The following CENPP variants were observed in gnomAD, a reference collection of about 807,000 sequenced individuals.
The protein encoded by CENPP is centromere protein P.
CENPP carries 24 observed loss-of-function variants against 35.6 expected under a neutral mutation model. That is an observed-to-expected ratio of 0.67 (90% CI 0.49 to 0.95). The LOEUF (loss-of-function observed/expected upper bound fraction) is 0.95. Ranked by LOEUF, CENPP falls within the 40% of genes least tolerant of loss-of-function variation. The probability of loss-of-function intolerance (pLI) is 0.00; values close to 1 mark genes in which losing one functional copy is unlikely to be tolerated. For missense variants in CENPP, 332 were observed against 345.3 expected, an observed-to-expected ratio of 0.96 and a Z score of 0.31; for synonymous variants, 120 against 125.5, an observed-to-expected ratio of 0.96 and a Z score of 0.29.
chr9:92,365,712 A>G (rs1032238242), intron 4 of CENPP, among the ~76,000 whole-genome samples: 5 of 152,004 alleles, frequency 3.3e-5, no homozygotes, highest in Non-Finnish European at 5.9e-5. Context: ...TGCCCAGCCT[A>G]TAACTATTCT....
At chr9:92,385,538 C>T in intron 5 of CENPP, 11 of 1,190,032 alleles carry the variant, frequency 9.2e-6, no homozygotes, top group South Asian at 3.0e-5. Context: ...AATATTAAAC[C>T]AATACTTAAG....
intron 5 of CENPP, among the ~76,000 whole-genome samples, chr9:92,406,297 G>C (rs1843304322): frequency 6.6e-6 from 1 of 152,182 alleles, no homozygotes; most frequent in Non-Finnish European, 1.5e-5. Context: ...CGACTAGACA[G>C]GGGGAATAGA....
intron 5 of CENPP, among the ~76,000 whole-genome samples, chr9:92,547,204 A>G (rs916609733): frequency 6.6e-6 from 1 of 152,076 alleles, no homozygotes; most frequent in Non-Finnish European, 1.5e-5. Flanking sequence ...TTTAAAAAGA[A>G]TAAAGAAAGC....
intron 5 of CENPP, among the ~76,000 whole-genome samples, chr9:92,529,467 A>G (rs540238435): frequency 6.6e-6 from 1 of 152,318 alleles, no homozygotes; most frequent in East Asian, 1.9e-4. Context: ...ATTTACCCAA[A>G]TAAGATGAAA....
chr9:92,429,644 G>T (rs1443009178), intron 5 of CENPP, among the ~76,000 whole-genome samples: 1 of 152,094 alleles, frequency 6.6e-6, no homozygotes, highest in East Asian at 1.9e-4. Flanking sequence ...AAAATTAGCC[G>T]AGCGTGGTGG....
intron 5 of CENPP, among the ~76,000 whole-genome samples, chr9:92,571,604 T>G (rs1457060647): frequency 6.6e-6 from 1 of 152,218 alleles, no homozygotes; most frequent in African/African-American, 2.4e-5. Flanking sequence ...GTCTGCTTGG[T>G]GCAGAGCTCA....
At chr9:92,579,116 T>G (rs1850355602) in intron 5 of CENPP, among the ~76,000 whole-genome samples, 1 of 150,650 alleles carries the variant, frequency 6.6e-6, no homozygotes, top group Non-Finnish European at 1.5e-5. Flanking sequence ...GTTGTAGATA[T>G]GCAGCATTAT....
At chr9:92,338,081 G>T (rs1009824125) in intron 3 of CENPP, among the ~76,000 whole-genome samples, 1 of 152,186 alleles carries the variant, frequency 6.6e-6, no homozygotes, top group African/African-American at 2.4e-5. Context: ...CGGGGCCAAG[G>T]CAGGAGGATT....
chr9:92,477,261 T>A (rs1021716933), intron 5 of CENPP, among the ~76,000 whole-genome samples: 2 of 152,196 alleles, frequency 1.3e-5, no homozygotes, highest in African/African-American at 2.4e-5. Context: ...CTTCTCAATA[T>A]CACTTTGTCC....
intron 5 of CENPP, among the ~76,000 whole-genome samples, chr9:92,394,788 G>C (rs917298280): frequency 2.6e-5 from 4 of 151,114 alleles, no homozygotes; most frequent in African/African-American, 9.7e-5. Flanking sequence ...TGTATTTTTA[G>C]TAGAGACTGG....
chr9:92,474,501 A>C (rs1393471456), intron 5 of CENPP: 14 of 1,386,238 alleles, frequency 1.0e-5, no homozygotes, highest in Non-Finnish European at 1.3e-5. Context: ...CCACCTAAAA[A>C]CTTAAATGAA....
intron 5 of CENPP, among the ~76,000 whole-genome samples, chr9:92,494,378 T>C (rs1339421714): frequency 6.6e-6 from 1 of 152,244 alleles, no homozygotes; most frequent in African/African-American, 2.4e-5. Flanking sequence ...CCCTATCTTC[T>C]TGTTTTTACC....
chr9:92,548,030 C>T (rs1390135722), intron 5 of CENPP, among the ~76,000 whole-genome samples: 1 of 152,098 alleles, frequency 6.6e-6, no homozygotes, highest in African/African-American at 2.4e-5. Context: ...TGTAAAAAAT[C>T]CAAAAGAATT....
intron 4 of CENPP, among the ~76,000 whole-genome samples, chr9:92,361,778 G>A (rs1588059741): frequency 6.6e-6 from 1 of 152,096 alleles, no homozygotes; most frequent in Admixed American, 6.6e-5. Flanking sequence ...CACTGCACCC[G>A]GCTCAAATGT....
chr9:92,608,287 C>T (rs1252787796), intron 5 of CENPP, among the ~76,000 whole-genome samples: 1 of 152,198 alleles, frequency 6.6e-6, no homozygotes, highest in Non-Finnish European at 1.5e-5. Context: ...TTAAATGTGA[C>T]ACATCTAAGG....
intron 5 of CENPP, among the ~76,000 whole-genome samples, chr9:92,533,314 A>AT (rs1848934895): frequency 3.2e-5 from 3 of 95,026 alleles, no homozygotes; most frequent in African/African-American, 1.3e-4. Flanking sequence ...AAAAAAAAAA[A>AT]AAAAAAAAAA....
Position 92,613,057 on chromosome 9 carries a change from C to T in CENPP, c.775C>T (p.Pro259Ser). ...LDKNRAIETA[P>S]LSFRTLVGLL... is the part of the protein sequence containing the mutation. ...CAAGAACAGAGCCATAGAAACTGCT[C>T]CTCTCAGCTTCCGAACCCTGGTAGG... is the stretch of plus-strand genomic sequence containing the variant. Residue 259 changes from proline to serine, a missense_variant, in exon 8 of 8, where the codon CCT (proline) becomes TCT (serine). Physicochemically the swap from Pro to Ser is moderately conservative, Grantham distance 74 (BLOSUM62 -1). Transcript: ENST00000375587. The T allele has an allele frequency of 5.0e-6, 8 of 1,614,100 alleles. No individual in the cohort carries two copies. The highest frequency in any genetic ancestry group is 6.8e-6 in the Non-Finnish European group (8 of 1,179,972).
chr9:92,544,962 T>C (rs561899180), intron 5 of CENPP, among the ~76,000 whole-genome samples: 1 of 152,138 alleles, frequency 6.6e-6, no homozygotes, highest in Non-Finnish European at 1.5e-5. Flanking sequence ...CCTCAGGTGA[T>C]CCACCCGCCT....
chr9:92,424,678 CTTTTTTAA>C (rs548970423), intron 5 of CENPP, among the ~76,000 whole-genome samples: 339 of 152,230 alleles, frequency 2.2e-3, no homozygotes, highest in Middle Eastern at 0.01. Context: ...CTCAAAATTT[CTTTTTTAA>C]TTTTTTGAGA....
Sources: allele counts gnomAD v4.1 joint callset (sites outside exome capture counted in the v4.1 genomes callset), GRCh38; gene constraint gnomAD v4.1.1; transcripts MANE v1.5; gene names NCBI Gene and HGNC (gene_info 2026-07-23, HGNC 2026-07-21).